ZMYM4: variants seen among roughly 807,000 people sequenced by gnomAD.
ZMYM4 encodes zinc finger MYM-type protein 4.
A neutral mutation model predicts 183.2 loss-of-function variants in ZMYM4; 31 were observed. The ratio of observed to expected loss-of-function variants is 0.17; its 90% CI spans 0.13 to 0.23. The LOEUF (loss-of-function observed/expected upper bound fraction) is 0.23, where lower values mean the gene tolerates loss of function less well. Among genes scored for constraint, ZMYM4 ranks in the 10% least tolerant of loss-of-function variants. The pLI, the probability that ZMYM4 is intolerant of heterozygous loss-of-function variation, is 1.00. For synonymous variants in ZMYM4, 592 were observed against 631.2 expected (o/e 0.94, Z 0.93); for missense variants, 1,273 against 1,840.3 (o/e 0.69, Z 5.64).
chr1:35,361,664 C>T lies in ZMYM4; in HGVS notation c.715C>T (p.Leu239=). The change falls in exon 5 of 30, where the codon CTG becomes TTG. Residue 239 remains leucine, a synonymous_variant. Transcript: ENST00000314607. The part of the protein sequence containing the change: ...FANKESIGSE[L]GNSFASNIRI... ...CAATAAAGAATCCATTGGTTCGGAA[C>T]TGGGGAATTCCTTTGCATCAAATAT... 1 of 1,613,648 alleles carries T rather than the reference C, an allele frequency of 6.2e-7. No homozygotes were observed. The highest frequency in any genetic ancestry group is 8.5e-7 in the Non-Finnish European group (1 of 1,179,776).
chr1:35,289,125 A>G (rs1640640786), intron 1 of ZMYM4, among the ~76,000 whole-genome samples: 1 of 152,214 alleles, frequency 6.6e-6, no homozygotes, highest in Admixed American at 6.6e-5. Context: ...GGACAGCATA[A>G]GATAATATGA....
chr1:35,277,133 T>C (rs1414074924), intron 1 of ZMYM4, among the ~76,000 whole-genome samples: 2 of 152,200 alleles, frequency 1.3e-5, no homozygotes, highest in African/African-American at 4.8e-5. Flanking sequence ...TAGAATTATC[T>C]GGAGAGCTTT....
At chr1:35,284,960 G>A (rs554544550) in intron 1 of ZMYM4, among the ~76,000 whole-genome samples, 1 of 152,244 alleles carries the variant, frequency 6.6e-6, no homozygotes, top group Admixed American at 6.5e-5. Context: ...CTGGGGAGGA[G>A]GGATACAAAC....
intron 2 of ZMYM4, among the ~76,000 whole-genome samples, chr1:35,332,404 T>G (rs1206649405): frequency 1.5e-5 from 2 of 133,692 alleles, no homozygotes; most frequent in Non-Finnish European, 3.2e-5. Context: ...ACTGGGGATG[T>G]TTTTTTTTTT....
At position 35,411,602 on chromosome 1, in the gene ZMYM4, A is replaced by G. The variant is rs185112038; in HGVS notation, c.3949-2370A>G. Among the ~76,000 whole-genome samples, 14 of 152,324 alleles carry G rather than the reference A, an allele frequency of 9.2e-5. No homozygotes were observed. The East Asian group carries it at 2.5e-3, about 27-fold the overall frequency. ...CAAGGTCCTTTGAAATTCTATGTCA[A>G]TTTTAGAATGGGTTTTTCCATTTCT... On this transcript the variant is annotated intron_variant, in intron 26 of 29. Coordinates refer to ENST00000314607, the MANE Select transcript of ZMYM4 (RefSeq NM_005095.3).
chr1:35,414,627 G>T (rs1277591244), intron 27 of ZMYM4, among the ~76,000 whole-genome samples: 1 of 152,168 alleles, frequency 6.6e-6, no homozygotes, highest in Non-Finnish European at 1.5e-5. Flanking sequence ...TGCAAACTAT[G>T]GTCCATGGGC....
At chr1:35,404,881 T>G (rs1008304687) in intron 23 of ZMYM4, 142 bp from the exon 24 acceptor site, 2 of 784,730 alleles carry the variant, frequency 2.5e-6, no homozygotes, top group Non-Finnish European at 3.8e-6. Flanking sequence ...AGCCCTTTCT[T>G]GCTCTAAGAA....
At chr1:35,295,377 C>G (rs1299682646) in intron 1 of ZMYM4, among the ~76,000 whole-genome samples, 2 of 152,006 alleles carry the variant, frequency 1.3e-5, no homozygotes. Context: ...TTGTGAACAT[C>G]AAAGAGGCAG....
chr1:35,287,255 T>TG (rs1472389153), intron 1 of ZMYM4, among the ~76,000 whole-genome samples: 12 of 150,994 alleles, frequency 7.9e-5, no homozygotes. Context: ...TTTTAAGAGA[T>TG]GGGGTCTTGC....
rs544385500 is a variant in ZMYM4, at chr1:35,273,388, T to C, written c.39+4303T>C. On this transcript the variant is annotated intron_variant, in intron 1 of 29. Transcript: ENST00000314607. ...TTTAAGACTCATTAGGTAGGCTTATTATAAATGATTGAATTATTTATGCAT... is the reference window on the plus strand; with the variant it reads ...TTTAAGACTCATTAGGTAGGCTTATCATAAATGATTGAATTATTTATGCAT... Among the ~76,000 whole-genome samples, 15 of 152,338 alleles carry C rather than the reference T, an allele frequency of 9.8e-5. No homozygotes were observed. In the South Asian group the frequency reaches 3.1e-3, roughly 32 times the overall value.
chr1:35,384,011 C>T (rs558672594), intron 9 of ZMYM4, among the ~76,000 whole-genome samples: 1 of 152,168 alleles, frequency 6.6e-6, no homozygotes, highest in Non-Finnish European at 1.5e-5. Context: ...ATGGTCATTT[C>T]TGCTACCTTC....
At position 35,400,035 on chromosome 1, in the gene ZMYM4, C is replaced by A. The variant is rs549084086; in HGVS notation, c.3528+459C>A. 1.6e-4 allele frequency: 24 copies of A among 151,754 alleles called. No homozygotes were observed. In the East Asian group the frequency reaches 4.2e-3, roughly 26 times the overall value. 9.4% of individuals were successfully genotyped at this position (151,754 alleles called of 1,614,324 possible). ...GTGGGCGCCTGTAGTCCCAGCTACT[C>A]GGGAGGCTGAGGCAGGAGAATGGCC... is the stretch of plus-strand genomic sequence containing the variant. On this transcript the variant is annotated intron_variant, in intron 23 of 29. Transcript: ENST00000314607.
rs902366449 is a variant in ZMYM4, at chr1:35,342,388, T to G, written c.86-16537T>G. 2.0e-5 allele frequency among the ~76,000 whole-genome samples: 3 copies of G among 152,006 alleles called. No homozygotes were observed. The East Asian group carries it at 5.8e-4, about 29-fold the overall frequency. On this transcript the variant is annotated intron_variant, in intron 2 of 29. Coordinates refer to ENST00000314607, the MANE Select transcript of ZMYM4 (RefSeq NM_005095.3). Reference sequence around the variant, plus strand: ...GTTGCCTAGGCTGGTCTCGAACTCCTGGGTTCAAGCAATCCTCCTGCCTTG... The same window carrying G: ...GTTGCCTAGGCTGGTCTCGAACTCCGGGGTTCAAGCAATCCTCCTGCCTTG...
chr1:35,305,389 A>G lies in ZMYM4; in HGVS notation c.40-19971A>G, dbSNP rs565561522. Among the ~76,000 whole-genome samples, 67 of 151,948 alleles carry G rather than the reference A, an allele frequency of 4.4e-4. 1 individual carries two copies. The highest frequency in any genetic ancestry group is 1.6e-3 in the African/African-American group (67 of 41,444). ...TGTTAGTTGCTTCACATATAGAGTT[A>G]TGTCTTGTTGATGATCATATTTAGT... On this transcript the variant is annotated intron_variant, in intron 1 of 29. Transcript: ENST00000314607.
At chr1:35,323,267 G>T (rs1642364313) in intron 1 of ZMYM4, among the ~76,000 whole-genome samples, 1 of 152,156 alleles carries the variant, frequency 6.6e-6, no homozygotes, top group African/African-American at 2.4e-5. Context: ...CTCCCAGAGT[G>T]CTGGGATTAC....
chr1:35,371,030 A>G (rs1489642352), intron 7 of ZMYM4, among the ~76,000 whole-genome samples: 2 of 145,312 alleles, frequency 1.4e-5, no homozygotes, highest in Admixed American at 1.4e-4. Flanking sequence ...GAATTTCTTT[A>G]ATACTTTTCT....
At chr1:35,320,190 A>G (rs965372266) in intron 1 of ZMYM4, among the ~76,000 whole-genome samples, 4 of 152,226 alleles carry the variant, frequency 2.6e-5, no homozygotes, top group Admixed American at 2.0e-4. Context: ...AGGCCTTTCC[A>G]TAGCTTCAGC....
chr1:35,328,747 G>C (rs905156571), intron 2 of ZMYM4, among the ~76,000 whole-genome samples: 2 of 152,124 alleles, frequency 1.3e-5, no homozygotes, highest in Non-Finnish European at 1.5e-5. Context: ...GCCTCTCTCT[G>C]TGAGGGGAAT....
chr1:35,417,277 G>C (rs1272798785), intron 28 of ZMYM4, among the ~76,000 whole-genome samples: 3 of 150,834 alleles, frequency 2.0e-5, no homozygotes, highest in Non-Finnish European at 4.4e-5. Context: ...TTTTTCCTTA[G>C]GTCCATCTAG....
Sources: allele counts gnomAD v4.1 joint callset (sites outside exome capture counted in the v4.1 genomes callset), GRCh38; gene constraint gnomAD v4.1.1; transcripts MANE v1.5; gene names NCBI Gene and HGNC (gene_info 2026-07-23, HGNC 2026-07-21).